The following TRIM23 variants were observed in gnomAD, a reference collection of about 807,000 sequenced individuals.
TRIM23 encodes E3 ubiquitin-protein ligase TRIM23.
In TRIM23, 27 loss-of-function variants were observed where a neutral mutation model predicts 71.0. The observed-to-expected ratio is 0.38, with a 90% CI of 0.28 to 0.52. TRIM23 has a LOEUF of 0.52. Among genes scored for constraint, TRIM23 ranks in the 20% least tolerant of loss-of-function variants. The pLI, the probability that TRIM23 is intolerant of heterozygous loss-of-function variation, is 0.84. For synonymous variants in TRIM23, 234 were observed against 238.0 expected (o/e 0.98, Z 0.16); for missense variants, 482 against 692.3 (o/e 0.70, Z 3.41).
chr5:65,600,625 A>AG (rs1398921070), intron 7 of TRIM23, among the ~76,000 whole-genome samples: 1 of 150,280 alleles, frequency 6.7e-6, no homozygotes, highest in Non-Finnish European at 1.5e-5. Flanking sequence ...AGCACAGTAA[A>AG]AAAAAAAAAA....
At chr5:65,596,656 T>C (rs1459988464) in intron 8 of TRIM23, 125 bp from the exon 9 acceptor site, 1 of 650,748 alleles carries the variant, frequency 1.5e-6, no homozygotes, top group Non-Finnish European at 2.7e-6. Context: ...CAATATCTAC[T>C]GAAGCCTAAT....
At chr5:65,621,828 TA>T (rs1754955932) in intron 1 of TRIM23, among the ~76,000 whole-genome samples, 1 of 151,712 alleles carries the variant, frequency 6.6e-6, no homozygotes, top group African/African-American at 2.4e-5. Flanking sequence ...TATTTATTAT[TA>T]TTATTATTTT....
rs538687630 is a variant in TRIM23, at chr5:65,610,976, C to T, written c.713G>A (p.Arg238Gln). The change falls in exon 5 of 11, where the codon CGG becomes CAG. Residue 238 changes from arginine to glutamine, a missense_variant. Arg to Gln is a conservative substitution (Grantham distance 43, BLOSUM62 1). Around this residue, in one of 2 missense-constraint regions of TRIM23, gnomAD observed 307 missense variants for 495.8 expected, o/e 0.62. Transcript: ENST00000231524. The stretch of plus-strand genomic sequence containing the variant: ...ATCTGAGATTTCCTCTGTGAAGGTC[C>T]GTATGCAGTGAGCCATATCTAAAAT... ...ASILDMAHCI[R>Q]TFTEEISDYS... 9 of 1,613,708 alleles carry T rather than the reference C, an allele frequency of 5.6e-6. No homozygotes were observed. Among genetic ancestry groups the T allele is most frequent in the African/African-American group, 1.3e-5 (1 of 74,972 alleles).
intron 1 of TRIM23, among the ~76,000 whole-genome samples, chr5:65,619,868 G>A (rs572381965): frequency 1.3e-5 from 2 of 152,270 alleles, no homozygotes; most frequent in Admixed American, 6.5e-5. Flanking sequence ...GATCATCTGA[G>A]GTCAGGAGTT....
In TRIM23 at chr5:65,608,513, C is replaced by A. The variant is rs561520571; in HGVS notation, c.1044+730G>T. Among the ~76,000 whole-genome samples, 21 of 152,230 alleles carry A rather than the reference C, an allele frequency of 1.4e-4. 1 individual carries two copies. Among genetic ancestry groups the A allele is most frequent in the African/African-American group, 4.3e-4 (18 of 41,552 alleles). ...GCTCTACAATGGTACAAGGCTTAGCCTACAATGATTTGAAATCAACACAAT... is the reference window on the plus strand; with the variant it reads ...GCTCTACAATGGTACAAGGCTTAGCATACAATGATTTGAAATCAACACAAT... On this transcript the variant is annotated intron_variant, in intron 6 of 10. Transcript: ENST00000231524.
At chr5:65,621,984 C>G (rs535379745) in intron 1 of TRIM23, among the ~76,000 whole-genome samples, 1 of 151,980 alleles carries the variant, frequency 6.6e-6, no homozygotes, top group South Asian at 2.1e-4. Context: ...TGTGCCACTA[C>G]GCCTGGCTAA....
At chr5:65,618,686 CTGAGA>C (rs1307726430) in intron 1 of TRIM23, among the ~76,000 whole-genome samples, 3 of 152,094 alleles carry the variant, frequency 2.0e-5, no homozygotes, top group Non-Finnish European at 4.4e-5. Flanking sequence ...AAAATATGTA[CTGAGA>C]TAACAATTAC....
At chr5:65,598,685 A>C (rs460027) in intron 7 of TRIM23, among the ~76,000 whole-genome samples, 151,450 of 151,528 alleles carry the variant, frequency 1, 75,687 homozygotes, top group East Asian at 1. Context: ...AAGGTGGAGA[A>C]TGCAGTGAGC....
chr5:65,619,815 T>C (rs1474648748), intron 1 of TRIM23, among the ~76,000 whole-genome samples: 1 of 152,208 alleles, frequency 6.6e-6, no homozygotes, highest in East Asian at 1.9e-4. Flanking sequence ...GGCATGGTGG[T>C]TCATGCCTGT....
chr5:65,607,044 C>T (rs1754527691), intron 6 of TRIM23: 1 of 152,118 alleles, frequency 6.6e-6, no homozygotes, highest in South Asian at 2.1e-4. Flanking sequence ...AGTATCATGC[C>T]AAGAACTTTA....
At chr5:65,592,666 C>T (rs888430112) in intron 10 of TRIM23, among the ~76,000 whole-genome samples, 2 of 152,190 alleles carry the variant, frequency 1.3e-5, no homozygotes, top group African/African-American at 4.8e-5. Flanking sequence ...TTCCCAGGAG[C>T]AACCACCAGT....
At chr5:65,605,073 T>A (rs766025993) in intron 6 of TRIM23, 28 bp from the exon 7 acceptor site, 10 of 1,560,684 alleles carry the variant, frequency 6.4e-6, no homozygotes, top group Non-Finnish European at 7.8e-6. Context: ...ATATTTCTTA[T>A]AAACTTTTTA....
intron 1 of TRIM23, among the ~76,000 whole-genome samples, chr5:65,622,993 C>T (rs1754985693): frequency 6.6e-6 from 1 of 152,180 alleles, no homozygotes; most frequent in Admixed American, 6.5e-5. Context: ...CTCAGTCACA[C>T]AACATGCCTA....
chr5:65,618,372 T>C (rs577880247), intron 1 of TRIM23, 117 bp from the exon 2 acceptor site: 7 of 1,133,046 alleles, frequency 6.2e-6, no homozygotes, highest in African/African-American at 3.2e-5. Context: ...TATTCCTCTA[T>C]GAAAAAAAAA....
chr5:65,620,912 C>CCA (rs1754918182), intron 1 of TRIM23, among the ~76,000 whole-genome samples: 1 of 149,510 alleles, frequency 6.7e-6, no homozygotes, highest in South Asian at 2.1e-4. Flanking sequence ...CCTGTCTCTA[C>CCA]AAAAAAAAAT....
chr5:65,607,556 C>T (rs931001513), intron 6 of TRIM23, among the ~76,000 whole-genome samples: 22 of 152,130 alleles, frequency 1.4e-4, no homozygotes, highest in Non-Finnish European at 2.9e-4. Flanking sequence ...TTCCTGAAGC[C>T]TCCCCAGCCA....
In TRIM23 at chr5:65,618,180, G is replaced by A; in HGVS notation, c.157C>T (p.His53Tyr). The A allele has an allele frequency of 6.2e-7, 1 of 1,614,030 alleles. No homozygotes were observed. The highest frequency in any genetic ancestry group is 1.3e-5 in the African/African-American group (1 of 75,020). Residue 53 changes from histidine (H) to tyrosine (Y), a missense_variant, in exon 2 of 11, where the codon CAT becomes TAT. By Grantham distance (83) the His-to-Tyr change is moderately conservative (BLOSUM62 2). Transcript: ENST00000231524. ...DKVPRLLLCGHTVCHDCLTRL... is the reference protein window; with the variant it reads ...DKVPRLLLCGYTVCHDCLTRL... The stretch of plus-strand genomic sequence containing the variant: ...GTGAGACAGTCATGACAGACGGTAT[G>A]GCCACAAAGCAAAAGACGGGGAACT...
intron 2 of TRIM23, among the ~76,000 whole-genome samples, chr5:65,617,613 C>A (rs1422216588): frequency 6.6e-6 from 1 of 152,152 alleles, no homozygotes; most frequent in Non-Finnish European, 1.5e-5. Context: ...ACAAACCCTT[C>A]AAACTCATTT....
chr5:65,595,578 AT>A (rs1246327089), intron 9 of TRIM23, among the ~76,000 whole-genome samples: 3 of 139,914 alleles, frequency 2.1e-5, no homozygotes, highest in Non-Finnish European at 4.7e-5. Context: ...AAAAAAAAAA[AT>A]TAGCTGAATG....
Sources: allele counts gnomAD v4.1 joint callset (sites outside exome capture counted in the v4.1 genomes callset), GRCh38; gene constraint gnomAD v4.1.1; regional missense constraint gnomAD v4.1.1; transcripts MANE v1.5; gene names NCBI Gene and HGNC (gene_info 2026-07-23, HGNC 2026-07-21).